Variants in CLEC2A observed in about 807,000 individuals in gnomAD.
CLEC2A encodes keratinocyte-associated C-type lectin.
A neutral mutation model predicts 18.6 loss-of-function variants in CLEC2A; 19 were observed. The ratio of observed to expected loss-of-function variants is 1.02; its 90% CI spans 0.71 to 1.50. The LOEUF (loss-of-function observed/expected upper bound fraction) is 1.50, where lower values mean the gene tolerates loss of function less well. Ranked by LOEUF, CLEC2A falls within the 40% of genes most tolerant of loss-of-function variation. The pLI is 0.00. For synonymous variants in CLEC2A, 74 were observed against 64.0 expected, an observed-to-expected ratio of 1.16 and a Z score of -0.75; for missense variants, 190 against 207.9, an observed-to-expected ratio of 0.91 and a Z score of 0.53.
At chr12:9,927,054 TAC>T (rs1863284642) in intron 1 of CLEC2A, among the ~76,000 whole-genome samples, 1 of 152,150 alleles carries the variant, frequency 6.6e-6, no homozygotes, top group African/African-American at 2.4e-5. Context: ...TGTGTGTGTG[TAC>T]AGTCATGCAT....
downstream of CLEC2A, among the ~76,000 whole-genome samples, chr12:9,896,122 A>C (rs1279206323): frequency 6.6e-6 from 1 of 152,234 alleles, no homozygotes; most frequent in Non-Finnish European, 1.5e-5. Context: ...TTTGCATTTA[A>C]AATAGCATAG....
chr12:9,888,601 A>T, the CLEC2A span: 1 of 548,442 alleles, frequency 1.8e-6, no homozygotes, highest in African/African-American at 1.9e-5. Context: ...AGAGGAGTGG[A>T]TGCATAGGAG....
At chr12:9,911,766 A>G (rs1208345430), downstream of CLEC2A, among the ~76,000 whole-genome samples, 2 of 152,226 alleles carry the variant, frequency 1.3e-5, no homozygotes, top group Admixed American at 1.3e-4. Flanking sequence ...GACAGGCAGA[A>G]GAAAACCCAG....
At chr12:9,880,908 A>C in the CLEC2A span, among the ~76,000 whole-genome samples, 1 of 152,236 alleles carries the variant, frequency 6.6e-6, no homozygotes, top group Non-Finnish European at 1.5e-5. Flanking sequence ...CTGATCAACT[A>C]TCTGGACTCT....
intron 4 of CLEC2A, among the ~76,000 whole-genome samples, chr12:9,905,874 G>A (rs191355021): frequency 1.1e-4 from 16 of 152,230 alleles, no homozygotes; most frequent in East Asian, 7.7e-4. Flanking sequence ...GCTTCTACCC[G>A]GTAAATGAGG....
At chr12:9,930,248 C>G (rs1311199509) in intron 1 of CLEC2A, among the ~76,000 whole-genome samples, 1 of 152,118 alleles carries the variant, frequency 6.6e-6, no homozygotes, top group Non-Finnish European at 1.5e-5. Flanking sequence ...TCCCAACCTA[C>G]CGACCTAATT....
At chr12:9,902,823 G>T (rs555617000) in intron 4 of CLEC2A, among the ~76,000 whole-genome samples, 5 of 152,120 alleles carry the variant, frequency 3.3e-5, no homozygotes, top group Non-Finnish European at 7.4e-5. Context: ...TGCAGTCCCT[G>T]CTTCTGTATC....
At chr12:9,910,063 G>A (rs1862961450), downstream of CLEC2A, among the ~76,000 whole-genome samples, 1 of 152,110 alleles carries the variant, frequency 6.6e-6, no homozygotes, top group African/African-American at 2.4e-5. Flanking sequence ...GAGACACAGG[G>A]CTTTTGTCAT....
intron 2 of CLEC2A, among the ~76,000 whole-genome samples, chr12:9,923,401 T>C (rs1368691515): frequency 4.6e-5 from 7 of 152,088 alleles, no homozygotes; most frequent in African/African-American, 1.7e-4. Context: ...CCAGTTAGAA[T>C]GGTGATCATT....
downstream of CLEC2A, among the ~76,000 whole-genome samples, chr12:9,909,343 G>A (rs140560824): frequency 2.0e-4 from 31 of 152,234 alleles, 1 homozygote; most frequent in African/African-American, 6.3e-4. Flanking sequence ...GGAATTCCTC[G>A]TCTGCTGTAG....
At chr12:9,893,116 A>T in the CLEC2A span, 62 of 1,535,774 alleles carry the variant, frequency 4.0e-5, no homozygotes, top group East Asian at 1.1e-3. Context: ...AGTCAACGTG[A>T]TTGTACACAG....
At chr12:9,924,521 T>C (rs1272506721) in intron 2 of CLEC2A, among the ~76,000 whole-genome samples, 2 of 148,672 alleles carry the variant, frequency 1.3e-5, no homozygotes, top group African/African-American at 2.5e-5. Flanking sequence ...ATATAAGTGC[T>C]AAATTAAGCA....
the CLEC2A span, chr12:9,884,958 A>G: frequency 3.8e-6 from 5 of 1,306,164 alleles, no homozygotes; most frequent in Non-Finnish European, 5.0e-6. Context: ...CCACAATATT[A>G]TTGTCTTCTG....
At chr12:9,894,436 C>T (rs747730277), downstream of CLEC2A, among the ~76,000 whole-genome samples, 1 of 152,080 alleles carries the variant, frequency 6.6e-6, no homozygotes, top group Non-Finnish European at 1.5e-5. Flanking sequence ...CCCACCTCAG[C>T]CTCCCAAACT....
the CLEC2A span, among the ~76,000 whole-genome samples, chr12:9,885,368 C>T: frequency 4.6e-5 from 7 of 151,220 alleles, no homozygotes; most frequent in African/African-American, 1.5e-4. Context: ...CATCTGAAAA[C>T]CATTTTAGGT....
the CLEC2A span, among the ~76,000 whole-genome samples, chr12:9,886,517 C>G: frequency 1.3e-5 from 2 of 151,910 alleles, no homozygotes; most frequent in Non-Finnish European, 2.9e-5. Flanking sequence ...AGCTGTTCAT[C>G]ATGGTTAAGC....
the CLEC2A span, among the ~76,000 whole-genome samples, chr12:9,885,578 AG>A: frequency 2.0e-5 from 3 of 151,978 alleles, no homozygotes; most frequent in Admixed American, 6.6e-5. Flanking sequence ...TTCTAAAAAT[AG>A]GTGAGTCCTA....
At chr12:9,911,101 T>C (rs1352234940), downstream of CLEC2A, among the ~76,000 whole-genome samples, 1 of 152,156 alleles carries the variant, frequency 6.6e-6, no homozygotes, top group African/African-American at 2.4e-5. Context: ...TTGGCTGGAG[T>C]CAAGACCACA....
intron 4 of CLEC2A, among the ~76,000 whole-genome samples, chr12:9,906,307 A>T (rs1862907453): frequency 6.6e-6 from 1 of 152,248 alleles, no homozygotes; most frequent in Non-Finnish European, 1.5e-5. Flanking sequence ...GAGGAAGACA[A>T]GGGGTTAAGT....
Sources: gnomAD v4.1 joint callset for allele counts (sites outside exome capture counted in the v4.1 genomes callset) on GRCh38, gnomAD v4.1.1 for gene constraint, MANE v1.5 for transcripts, NCBI Gene and HGNC (gene_info 2026-07-23, HGNC 2026-07-21) for gene names.